The following SIK2 variants were observed in gnomAD, a reference collection of about 807,000 sequenced individuals.
The protein encoded by SIK2 is salt inducible kinase 2.
SIK2 carries 29 observed loss-of-function variants against 103.2 expected under a neutral mutation model. The ratio of observed to expected loss-of-function variants is 0.28; its 90% CI spans 0.21 to 0.38. The LOEUF (loss-of-function observed/expected upper bound fraction) is 0.38, where lower values mean the gene tolerates loss of function less well. SIK2 is among the 10% of genes least tolerant of loss of function. The probability of loss-of-function intolerance (pLI) is 1.00; values close to 1 mark genes in which losing one functional copy is unlikely to be tolerated. For missense variants in SIK2, 879 were observed against 1,171.0 expected, an observed-to-expected ratio of 0.75 and a Z score of 3.64; for synonymous variants, 412 against 446.1, an observed-to-expected ratio of 0.92 and a Z score of 0.96.
intron 4 of SIK2, among the ~76,000 whole-genome samples, chr11:111,691,150 C>G (rs569844714): frequency 6.6e-6 from 1 of 152,134 alleles, no homozygotes. Context: ...ATACGTGGGT[C>G]AAATCAGTGT....
At chr11:111,699,235 C>T (rs181460872) in intron 4 of SIK2, among the ~76,000 whole-genome samples, 30 of 152,296 alleles carry the variant, frequency 2.0e-4, no homozygotes, top group African/African-American at 6.5e-4. Flanking sequence ...CAGTGTTGTT[C>T]ACCAGGTTTA....
chr11:111,672,586 T>C (rs1942644031), intron 3 of SIK2, among the ~76,000 whole-genome samples: 1 of 152,224 alleles, frequency 6.6e-6, no homozygotes, highest in Non-Finnish European at 1.5e-5. Context: ...ATTTTTTTTT[T>C]CCTTCCACTA....
At chr11:111,721,711 TTAA>T (rs1352208263) in intron 12 of SIK2, 116 bp from the exon 13 acceptor site, 5 of 656,986 alleles carry the variant, frequency 7.6e-6, no homozygotes, top group Non-Finnish European at 1.3e-5. Context: ...GCTTTGAGTA[TTAA>T]TAAGTCTCAG....
At chr11:111,720,326 T>G in intron 10 of SIK2, 152 bp from the exon 11 acceptor site, 2 of 831,138 alleles carry the variant, frequency 2.4e-6, no homozygotes, top group Non-Finnish European at 1.8e-6. Flanking sequence ...TGAAGATGAC[T>G]AAATTGGCCA....
At chr11:111,721,156 A>G in intron 12 of SIK2, 94 bp downstream of exon 12, 1 of 1,428,614 alleles carries the variant, frequency 7.0e-7, no homozygotes, top group Non-Finnish European at 9.4e-7. Context: ...GATTTCCTCC[A>G]GTCCTGGAGC....
Position 111,722,708 on chromosome 11 carries a change from A to G in SIK2, c.2099A>G (p.Tyr700Cys). The change falls in exon 14 of 15, where the codon TAT (tyrosine) becomes TGT (cysteine). Residue 700 changes from tyrosine (Y) to cysteine (C), a missense_variant. By Grantham distance (194) the Tyr-to-Cys change is radical. Transcript: ENST00000304987. The surrounding 1 kb of genome is among the most constrained non-coding windows in gnomAD (Gnocchi z 4.4). ...LSKAQNTCQL[Y>C]CKEPPRSLEQ... is the part of the protein sequence containing the mutation. ...AAGGCCCAGAACACCTGTCAGCTTTATTGCAAAGAACCACCGCGGAGCCTT... is the reference window on the plus strand; with the variant it reads ...AAGGCCCAGAACACCTGTCAGCTTTGTTGCAAAGAACCACCGCGGAGCCTT... The G allele has an allele frequency of 6.2e-7, 1 of 1,614,128 alleles. No homozygotes were observed. The highest frequency in any genetic ancestry group is 8.5e-7 in the Non-Finnish European group (1 of 1,180,000).
rs4936643 is a variant in SIK2 at position 111,704,357 on chromosome 11, C to T, written c.949-630C>T. On this transcript the variant is annotated intron_variant, in intron 7 of 14. Coordinates refer to ENST00000304987, the MANE Select transcript of SIK2 (RefSeq NM_015191.3). Reference sequence around the variant, plus strand: ...AGGAGCAGTTGTTTCTCTGTTCCCTCAATATCTGGGAAAGCTGGCAGGCTA... The same window carrying T: ...AGGAGCAGTTGTTTCTCTGTTCCCTTAATATCTGGGAAAGCTGGCAGGCTA... Among the ~76,000 whole-genome samples the T allele has an allele frequency of 9.0e-3, 1,371 of 152,270 alleles. 13 individuals are homozygous for T. The highest frequency in any genetic ancestry group is 0.026 in the South Asian group (127 of 4,824).
chr11:111,638,925 G>A (rs1942145887), intron 3 of SIK2, among the ~76,000 whole-genome samples: 1 of 151,884 alleles, frequency 6.6e-6, no homozygotes, highest in Non-Finnish European at 1.5e-5. Flanking sequence ...GCTTTACATT[G>A]CCAAGTTTCT....
intron 2 of SIK2, among the ~76,000 whole-genome samples, chr11:111,617,272 G>C (rs1417492753): frequency 6.6e-6 from 1 of 152,152 alleles, no homozygotes; most frequent in Non-Finnish European, 1.5e-5. Flanking sequence ...TTTAAAAGGA[G>C]TGTTTTTCTC....
rs1193332953 is a variant in SIK2, at chr11:111,622,556, T to G, written c.316+2154T>G. On this transcript the variant is annotated intron_variant, in intron 3 of 14. Transcript: ENST00000304987. The stretch of plus-strand genomic sequence containing the variant: ...GGCGTGAGCCACCGCACCCGGCGTC[T>G]GAAGGATTTTCTTTAGTGTTTCTTG... Among the ~76,000 whole-genome samples the G allele has an allele frequency of 3.9e-5, 6 of 152,322 alleles. No individual in the cohort carries two copies. The East Asian group carries it at 1.2e-3, about 29-fold the overall frequency.
At chr11:111,609,583 A>G (rs1941692732) in intron 1 of SIK2, among the ~76,000 whole-genome samples, 1 of 152,226 alleles carries the variant, frequency 6.6e-6, no homozygotes, top group Admixed American at 6.5e-5. Context: ...TGGCCTCCCA[A>G]AGTGCTGGGA....
chr11:111,671,454 G>A, intron 3 of SIK2: 1 of 245,394 alleles, frequency 4.1e-6, no homozygotes, highest in African/African-American at 2.3e-5. Context: ...TGATGTTCTG[G>A]GTCATCTCTG....
intron 3 of SIK2, among the ~76,000 whole-genome samples, chr11:111,644,010 A>G (rs1942218614): frequency 6.6e-6 from 1 of 151,662 alleles, no homozygotes; most frequent in South Asian, 2.1e-4. Flanking sequence ...AAAAGAGGCC[A>G]GGCGTGGTGG....
At chr11:111,637,198 T>A (rs1942119107) in intron 3 of SIK2, among the ~76,000 whole-genome samples, 1 of 152,092 alleles carries the variant, frequency 6.6e-6, no homozygotes, top group Non-Finnish European at 1.5e-5. Flanking sequence ...TCATAAACTT[T>A]ATCTTTTAAC....
In SIK2 at chr11:111,602,511, A is replaced by G; in HGVS notation, c.-53A>G. The G allele has an allele frequency of 7.1e-7, 1 of 1,417,298 alleles. No homozygotes were observed. Among genetic ancestry groups the G allele is most frequent in the South Asian group, 1.5e-5 (1 of 67,442 alleles). The allele number at this position is 1,417,298 out of a possible 1,614,324, so 87.8% of individuals were successfully genotyped here. On this transcript the variant is annotated 5_prime_UTR_variant, in exon 1 of 15. Coordinates refer to ENST00000304987, the MANE Select transcript of SIK2 (RefSeq NM_015191.3). This position sits in a 1 kb window ranked among gnomAD's most constrained non-coding sequence, Gnocchi z 4.5. The stretch of plus-strand genomic sequence containing the variant: ...TCGCCCAAGCCAAGCCGCGCTGCCA[A>G]CCCTCCCGCCCGCCCGCGCTCCTGT...
intron 4 of SIK2, among the ~76,000 whole-genome samples, chr11:111,698,706 A>T (rs1943138652): frequency 6.6e-6 from 1 of 152,230 alleles, no homozygotes; most frequent in Admixed American, 6.5e-5. Flanking sequence ...GCAAGACCCT[A>T]TCTCAAAAAA....
intron 2 of SIK2, among the ~76,000 whole-genome samples, chr11:111,617,011 C>A (rs1941815745): frequency 1.3e-5 from 2 of 152,066 alleles, no homozygotes; most frequent in South Asian, 4.1e-4. Flanking sequence ...ATACATAGGA[C>A]TGTATTTATT....
chr11:111,685,200 A>T (rs1231295809), intron 3 of SIK2, among the ~76,000 whole-genome samples: 1 of 152,198 alleles, frequency 6.6e-6, no homozygotes, highest in Admixed American at 6.5e-5. Flanking sequence ...AAACTGTTCC[A>T]CCTCAGATCA....
rs149536605 is a variant in SIK2 at position 111,679,955 on chromosome 11, T to A, written c.317-8046T>A. Among the ~76,000 whole-genome samples the A allele has an allele frequency of 6.5e-3, 991 of 152,188 alleles. 9 individuals carry two copies. The highest frequency in any genetic ancestry group is 0.022 in the African/African-American group (925 of 41,528). ...CTGGCCAACATGGTGAAACCCCATC[T>A]CTACTAAAAATAAAAAATTAGCTGG... On this transcript the variant is annotated intron_variant, in intron 3 of 14. Coordinates refer to ENST00000304987, the MANE Select transcript of SIK2 (RefSeq NM_015191.3).
Sources: gnomAD v4.1 joint callset for allele counts (sites outside exome capture counted in the v4.1 genomes callset) on GRCh38, gnomAD v4.1.1 for gene constraint, Gnocchi (gnomAD v3.1) non-coding constraint, MANE v1.5 for transcripts, NCBI Gene and HGNC (gene_info 2026-07-23, HGNC 2026-07-21) for gene names.